The following KIF6 variants were observed in gnomAD, a reference collection of about 807,000 sequenced individuals.
The protein encoded by KIF6 is kinesin-like protein KIF6.
In KIF6, 106 loss-of-function variants were observed where a neutral mutation model predicts 112.7. The observed-to-expected ratio is 0.94, with a 90% CI of 0.80 to 1.11. The LOEUF (loss-of-function observed/expected upper bound fraction) is 1.11. KIF6 is among the 50% of genes least tolerant of loss of function. The pLI is 0.00. For synonymous variants in KIF6, 339 were observed against 339.9 expected, an observed-to-expected ratio of 1.00 and a Z score of 0.03; for missense variants, 929 against 964.0, an observed-to-expected ratio of 0.96 and a Z score of 0.48.
At chr6:39,360,342 G>A (rs1331082493) in intron 18 of KIF6, 53 bp downstream of exon 18, 22 of 1,605,126 alleles carry the variant, frequency 1.4e-5, no homozygotes, top group Non-Finnish European at 1.8e-5. Context: ...CAGCCCCAGT[G>A]GGGCTGCATG....
chr6:39,388,815 A>G lies in KIF6; in HGVS notation c.1811-3143T>C, dbSNP rs1008058496. Among the ~76,000 whole-genome samples the G allele has an allele frequency of 2.0e-5, 3 of 152,336 alleles. No homozygotes were observed. In the East Asian group the frequency reaches 5.8e-4, roughly 29 times the overall value. ...GGTATGGAAAAGAGATGAAATGGAA[A>G]CAGAGAACTCCCAGCCTGAGGCCGG... On this transcript the variant is annotated intron_variant, in intron 15 of 22. Coordinates refer to ENST00000287152, the MANE Select transcript of KIF6 (RefSeq NM_145027.6).
At chr6:39,610,405 T>G (rs544987892) in intron 6 of KIF6, among the ~76,000 whole-genome samples, 4 of 152,244 alleles carry the variant, frequency 2.6e-5, no homozygotes, top group Non-Finnish European at 5.9e-5. Flanking sequence ...CACTCCACTT[T>G]GTGTCCCACA....
chr6:39,473,312 A>G (rs1428172695), intron 13 of KIF6, among the ~76,000 whole-genome samples: 1 of 152,208 alleles, frequency 6.6e-6, no homozygotes, highest in Non-Finnish European at 1.5e-5. Flanking sequence ...TAAAAAAAAA[A>G]TAAGGTTTTG....
intron 16 of KIF6, among the ~76,000 whole-genome samples, chr6:39,385,205 G>A (rs1475247233): frequency 7.2e-5 from 11 of 152,224 alleles, no homozygotes; most frequent in Admixed American, 1.3e-4. Flanking sequence ...AAAGGAGACT[G>A]CATATGAGGC....
chr6:39,460,536 TAAAA>T (rs759528125), intron 13 of KIF6, among the ~76,000 whole-genome samples: 5 of 57,070 alleles, frequency 8.8e-5, no homozygotes, highest in East Asian at 1.2e-3. Context: ...AAAAAAAAAG[TAAAA>T]AAAAAAAAAA....
At chr6:39,408,735 T>C (rs1769269428) in intron 15 of KIF6, among the ~76,000 whole-genome samples, 1 of 152,084 alleles carries the variant, frequency 6.6e-6, no homozygotes. Context: ...AGGGGCATGA[T>C]TGGTAGTAGG....
chr6:39,713,741 T>C (rs185230644), intron 3 of KIF6, among the ~76,000 whole-genome samples: 36 of 152,346 alleles, frequency 2.4e-4, no homozygotes, highest in African/African-American at 8.2e-4. Flanking sequence ...ATTTTGATTA[T>C]AACTCTGAAA....
At chr6:39,679,647 A>C (rs1787389374) in intron 3 of KIF6, among the ~76,000 whole-genome samples, 1 of 128,802 alleles carries the variant, frequency 7.8e-6, no homozygotes, top group African/African-American at 3.0e-5. Flanking sequence ...GCGGAGTCTC[A>C]CTCTGCTGCC....
Position 39,714,773 on chromosome 6 carries a change from T to A in KIF6, c.177-7A>T, listed in dbSNP as rs755994520. 3 of 1,587,122 alleles carry A rather than the reference T, an allele frequency of 1.9e-6. No individual in the cohort carries two copies. In the South Asian group the frequency reaches 3.3e-5, roughly 18 times the overall value. ...ATCAAAAATTCTTTGAAATCTGCAA[T>A]GTGAAAAATAGTAATTATTTAAAAG... is the stretch of plus-strand genomic sequence containing the variant. On this transcript the variant is annotated splice_region_variant and splice_polypyrimidine_tract_variant and intron_variant, in intron 2 of 22. Coordinates refer to ENST00000287152, the MANE Select transcript of KIF6 (RefSeq NM_145027.6).
intron 3 of KIF6, among the ~76,000 whole-genome samples, chr6:39,657,334 G>A (rs1318151933): frequency 2.0e-5 from 3 of 151,994 alleles, no homozygotes; most frequent in Admixed American, 6.6e-5. Context: ...AATTTTGTAG[G>A]GATTGAAAAA....
intron 13 of KIF6, among the ~76,000 whole-genome samples, chr6:39,499,575 A>G (rs1435488555): frequency 3.9e-5 from 6 of 152,174 alleles, no homozygotes; most frequent in Non-Finnish European, 8.8e-5. Context: ...CAACTCTGTA[A>G]GTAGTTCCTT....
chr6:39,584,825 T>G, intron 9 of KIF6, 73 bp downstream of exon 9: 1 of 878,456 alleles, frequency 1.1e-6, no homozygotes, highest in Non-Finnish European at 1.9e-6. Flanking sequence ...ACAGAGCAAG[T>G]GCACCTACAA....
In KIF6 at chr6:39,333,680, C is replaced by T. The variant is rs1762816912; in HGVS notation, c.*2852G>A. On this transcript the variant is annotated 3_prime_UTR_variant, in exon 23 of 23. Coordinates refer to ENST00000287152, the MANE Select transcript of KIF6 (RefSeq NM_145027.6). ...AATTAAAATGATGTATTCAGTATAC[C>T]ACAATTTCTCTATCTGCTTTCTAAA... The T allele has an allele frequency of 6.6e-6, 1 of 152,142 alleles. No individual in the cohort carries two copies. The highest frequency in any genetic ancestry group is 1.5e-5 in the Non-Finnish European group (1 of 68,028). 9.4% of individuals were successfully genotyped at this position (152,142 alleles called of 1,614,324 possible).
Position 39,587,695 on chromosome 6 carries a change from A to G in KIF6, c.847-1291T>C, listed in dbSNP as rs111897114. Among the ~76,000 whole-genome samples the G allele has an allele frequency of 1.9e-3, 295 of 152,040 alleles. 1 individual carries two copies. Among genetic ancestry groups the G allele is most frequent in the African/African-American group, 6.9e-3 (286 of 41,482 alleles). On this transcript the variant is annotated intron_variant, in intron 7 of 22. Transcript: ENST00000287152. ...CTGACCAGGACTATCTCATGTCTCC[A>G]TCATTAAATCCCCTGTACATTCTGC...
rs1030653884 is a variant in KIF6 at position 39,671,898 on chromosome 6, G to C, written c.252-32141C>G. Among the ~76,000 whole-genome samples the C allele has an allele frequency of 3.9e-5, 6 of 152,158 alleles. No homozygotes were observed. The East Asian group carries it at 1.2e-3, about 29-fold the overall frequency. On this transcript the variant is annotated intron_variant, in intron 3 of 22. Coordinates refer to ENST00000287152, the MANE Select transcript of KIF6 (RefSeq NM_145027.6). ...CTCTGGTTTCCTCCCATACTTCAAA[G>C]ATGTGCATGTTAGATTCACTGGTGT...
chr6:39,468,128 T>C (rs1773904052), intron 13 of KIF6, among the ~76,000 whole-genome samples: 1 of 151,650 alleles, frequency 6.6e-6, no homozygotes. Flanking sequence ...GAAGAATTAG[T>C]GAACCTGAAG....
At chr6:39,337,349 G>T (rs762631138) in intron 22 of KIF6, among the ~76,000 whole-genome samples, 8 of 142,908 alleles carry the variant, frequency 5.6e-5, no homozygotes, top group Non-Finnish European at 1.2e-4. Flanking sequence ...GTCTTGCTCT[G>T]TTACCCAGGC....
At chr6:39,689,283 C>A (rs1485148111) in intron 3 of KIF6, among the ~76,000 whole-genome samples, 2 of 152,058 alleles carry the variant, frequency 1.3e-5, no homozygotes, top group African/African-American at 4.8e-5. Context: ...ATTGCTTGAA[C>A]CCAGGAGTTT....
At chr6:39,573,384 CTT>C (rs1253027607) in intron 10 of KIF6, among the ~76,000 whole-genome samples, 4 of 152,148 alleles carry the variant, frequency 2.6e-5, no homozygotes, top group Non-Finnish European at 4.4e-5. Context: ...ATAAAAGACT[CTT>C]AAGTCCGTTG....
Sources: gnomAD v4.1 joint callset for allele counts (sites outside exome capture counted in the v4.1 genomes callset) on GRCh38, gnomAD v4.1.1 for gene constraint, MANE v1.5 for transcripts, NCBI Gene and HGNC (gene_info 2026-07-23, HGNC 2026-07-21) for gene names.